The following GALNT7 variants were observed in gnomAD, a reference collection of about 807,000 sequenced individuals.
GALNT7 encodes polypeptide N-acetylgalactosaminyltransferase 7.
GALNT7 carries 60 observed loss-of-function variants against 82.1 expected under a neutral mutation model. The ratio of observed to expected loss-of-function variants is 0.73; its 90% confidence interval spans 0.59 to 0.91. GALNT7 has a LOEUF of 0.91. Among genes scored for constraint, GALNT7 ranks in the 40% least tolerant of loss-of-function variants. GALNT7 has a pLI of 0.00. For missense variants in GALNT7, 660 were observed against 804.2 expected (o/e 0.82, Z 2.17); for synonymous variants, 243 against 275.1 (o/e 0.88, Z 1.15).
At chr4:173,197,587 T>C (rs1227106908) in intron 1 of GALNT7, among the ~76,000 whole-genome samples, 2 of 151,672 alleles carry the variant, frequency 1.3e-5, no homozygotes. Context: ...TTGTTGGATA[T>C]TAAGAAAAAT....
At chr4:173,300,592 C>G (rs946176930) in intron 6 of GALNT7, among the ~76,000 whole-genome samples, 46 of 151,830 alleles carry the variant, frequency 3.0e-4, no homozygotes, top group African/African-American at 5.8e-4. Context: ...CTGGCACGTT[C>G]CCGGTGGGAG....
intron 2 of GALNT7, among the ~76,000 whole-genome samples, chr4:173,281,448 C>T (rs1264304078): frequency 6.6e-6 from 1 of 152,138 alleles, no homozygotes; most frequent in East Asian, 1.9e-4. Flanking sequence ...ATAGAGTTGC[C>T]ACATGTCATC....
intron 2 of GALNT7, among the ~76,000 whole-genome samples, chr4:173,271,992 CA>C (rs574870703): frequency 1.8e-4 from 27 of 152,102 alleles, no homozygotes; most frequent in Non-Finnish European, 3.5e-4. Flanking sequence ...CTATTGTAAA[CA>C]ATGCTGTGAG....
chr4:173,187,334 A>G (rs183747119), intron 1 of GALNT7, among the ~76,000 whole-genome samples: 2 of 151,728 alleles, frequency 1.3e-5, no homozygotes, highest in Admixed American at 1.3e-4. Flanking sequence ...ATTTTTTTTA[A>G]CCATCTGGTC....
At chr4:173,226,949 T>C (rs1277089572) in intron 1 of GALNT7, among the ~76,000 whole-genome samples, 2 of 152,372 alleles carry the variant, frequency 1.3e-5, no homozygotes, top group Non-Finnish European at 2.9e-5. Context: ...TTTCTGAGTA[T>C]GTTGAAACTC....
intron 1 of GALNT7, among the ~76,000 whole-genome samples, chr4:173,200,766 C>G (rs1732920310): frequency 6.6e-6 from 1 of 152,170 alleles, no homozygotes; most frequent in Non-Finnish European, 1.5e-5. Flanking sequence ...TACAAAGATC[C>G]TATCATCCTG....
At chr4:173,250,766 C>T (rs1304375497) in intron 2 of GALNT7, among the ~76,000 whole-genome samples, 6 of 152,196 alleles carry the variant, frequency 3.9e-5, no homozygotes, top group Admixed American at 2.0e-4. Context: ...CCCTTACCCA[C>T]CTTGCAGACC....
In GALNT7 at chr4:173,193,563, A is replaced by G. The variant is rs77430229; in HGVS notation, c.126+24602A>G. On this transcript the variant is annotated intron_variant, in intron 1 of 11. Coordinates refer to ENST00000265000, the MANE Select transcript of GALNT7 (RefSeq NM_017423.3). ...ATAACCGTAAAATTATTTTTCTATA[A>G]TTTTTTAAAGTGATACTTAGCTTTT... Among the ~76,000 whole-genome samples, 187 of 152,262 alleles carry G rather than the reference A, an allele frequency of 1.2e-3. 2 individuals are homozygous for G. The East Asian group carries it at 0.035, about 28-fold the overall frequency.
At position 173,287,390 on chromosome 4, in the gene GALNT7, C is replaced by T. The variant is rs58111292; in HGVS notation, c.588-4718C>T. Among the ~76,000 whole-genome samples, 248 of 152,328 alleles carry T rather than the reference C, an allele frequency of 1.6e-3. 1 individual carries two copies. Among genetic ancestry groups the T allele is most frequent in the African/African-American group, 5.6e-3 (232 of 41,576 alleles). ...GGTTAAATCTTGGAAGGCCTCTATA[C>T]GGCAGTGAAGTTGGGGCTTGCCCCG... On this transcript the variant is annotated intron_variant, in intron 2 of 11. Coordinates refer to ENST00000265000, the MANE Select transcript of GALNT7 (RefSeq NM_017423.3).
At chr4:173,294,667 A>G (rs1203566811) in intron 3 of GALNT7, among the ~76,000 whole-genome samples, 1 of 152,212 alleles carries the variant, frequency 6.6e-6, no homozygotes, top group East Asian at 1.9e-4. Context: ...ATAGTGATAC[A>G]AACAAAAGCT....
intron 2 of GALNT7, among the ~76,000 whole-genome samples, chr4:173,276,096 C>T (rs945655069): frequency 6.6e-6 from 1 of 152,116 alleles, no homozygotes; most frequent in Non-Finnish European, 1.5e-5. Context: ...AATAGAGCAA[C>T]AAGTAAACAT....
Position 173,292,206 on chromosome 4 carries a change from G to C in GALNT7, c.686G>C (p.Ser229Thr). ...TCAACCCTCATGAGAACAGTCCACAGTGTAATTAAAAGGACTCCAAGGAAA... is the reference window on the plus strand; with the variant it reads ...TCAACCCTCATGAGAACAGTCCACACTGTAATTAAAAGGACTCCAAGGAAA... ...GWSTLMRTVH[S>T]VIKRTPRKYL... The change falls in exon 3 of 12, where the codon AGT (serine) becomes ACT (threonine). Residue 229 changes from serine to threonine, a missense_variant. By Grantham distance (58) the Ser-to-Thr change is moderately conservative. Coordinates refer to ENST00000265000, the MANE Select transcript of GALNT7 (RefSeq NM_017423.3). This position sits in a 1 kb window ranked among gnomAD's most constrained non-coding sequence, Gnocchi z 4.8. 1 of 1,593,100 alleles carries C rather than the reference G, an allele frequency of 6.3e-7. No homozygotes were observed. The highest frequency in any genetic ancestry group is 1.1e-5 in the South Asian group (1 of 87,210).
At chr4:173,232,482 G>A (rs1420671282) in intron 1 of GALNT7, among the ~76,000 whole-genome samples, 2 of 151,760 alleles carry the variant, frequency 1.3e-5, no homozygotes, top group South Asian at 2.1e-4. Context: ...GCCCGGGCTG[G>A]AGGGCAGTGG....
chr4:173,287,270 A>G lies in GALNT7; in HGVS notation c.588-4838A>G, dbSNP rs1002191973. On this transcript the variant is annotated intron_variant, in intron 2 of 11. Coordinates refer to ENST00000265000, the MANE Select transcript of GALNT7 (RefSeq NM_017423.3). ...GTTTCCTTCCCCATTTTCTGATGCT[A>G]TCATCATGGTCCCATTTATGGTCCT... Among the ~76,000 whole-genome samples, 3 of 152,208 alleles carry G rather than the reference A, an allele frequency of 2.0e-5. No individual in the cohort carries two copies. The South Asian group carries it at 6.2e-4, about 31-fold the overall frequency.
chr4:173,199,222 T>C (rs938245549), intron 1 of GALNT7, among the ~76,000 whole-genome samples: 22 of 152,152 alleles, frequency 1.4e-4, no homozygotes, highest in African/African-American at 5.1e-4. Context: ...AGACTCAACA[T>C]CTAGGGGATT....
intron 8 of GALNT7, among the ~76,000 whole-genome samples, chr4:173,312,276 C>T (rs1359553956): frequency 6.6e-6 from 1 of 152,216 alleles, no homozygotes; most frequent in Non-Finnish European, 1.5e-5. Context: ...TATTTATTCA[C>T]GATTCTGGTG....
rs138125763 is a variant in GALNT7 at position 173,297,505 on chromosome 4, A to G, written c.966-610A>G. Among the ~76,000 whole-genome samples the G allele has an allele frequency of 9.2e-5, 14 of 152,314 alleles. 1 individual carries two copies. The East Asian group carries it at 2.1e-3, about 23-fold the overall frequency. On this transcript the variant is annotated intron_variant, in intron 5 of 11. Coordinates refer to ENST00000265000, the MANE Select transcript of GALNT7 (RefSeq NM_017423.3). Reference sequence around the variant, plus strand: ...ATAAATAAGGTAAAATTACCAAAAGAAAGTTGCCTTTAGGACCAAAGCGAA... The same window carrying G: ...ATAAATAAGGTAAAATTACCAAAAGGAAGTTGCCTTTAGGACCAAAGCGAA...
chr4:173,317,751 G>C lies in GALNT7; in HGVS notation c.1707+19G>C, dbSNP rs1737659710. On this transcript the variant is annotated intron_variant, in intron 10 of 11. Coordinates refer to ENST00000265000, the MANE Select transcript of GALNT7 (RefSeq NM_017423.3). ...GAATCAGGTAAACCACCTTACTTTT[G>C]TGTTTAAGTTGTTCCGTATTGAGGG... 1.4e-6 allele frequency: 2 copies of C among 1,479,992 alleles called. No individual in the cohort carries two copies. Among genetic ancestry groups the C allele is most frequent in the Non-Finnish European group, 1.9e-6 (2 of 1,058,188 alleles). The allele number at this position is 1,479,992 out of a possible 1,614,324, so 91.7% of individuals were successfully genotyped here. A position where few individuals can be genotyped will look rare whatever the true frequency, so the allele number is the denominator to read the frequency against.
At chr4:173,275,429 G>C (rs557476104) in intron 2 of GALNT7, among the ~76,000 whole-genome samples, 1 of 152,316 alleles carries the variant, frequency 6.6e-6, no homozygotes, top group East Asian at 1.9e-4. Flanking sequence ...GACTATGGGA[G>C]TGCCAGGAAA....
Sources: allele counts gnomAD v4.1 joint callset (sites outside exome capture counted in the v4.1 genomes callset), GRCh38; gene constraint gnomAD v4.1.1; non-coding constraint Gnocchi (gnomAD v3.1); transcripts MANE v1.5; gene names NCBI Gene and HGNC (gene_info 2026-07-23, HGNC 2026-07-21).